SNTG1: variants seen among roughly 807,000 people sequenced by gnomAD.
SNTG1 encodes syntrophin gamma 1, also known as gamma-1-syntrophin.
Under a neutral mutation model 74.7 loss-of-function variants are expected in SNTG1, and 39 were observed. That is an observed-to-expected ratio of 0.52 (90% CI 0.40 to 0.68). The LOEUF (loss-of-function observed/expected upper bound fraction) is 0.68, where lower values mean the gene tolerates loss of function less well. Among genes scored for constraint, SNTG1 ranks in the 30% least tolerant of loss-of-function variants. The probability of loss-of-function intolerance (pLI) is 0.00; values close to 1 mark genes in which losing one functional copy is unlikely to be tolerated. For missense variants in SNTG1, 685 were observed against 609.5 expected (o/e 1.12, Z -1.30); for synonymous variants, 254 against 217.1 (o/e 1.17, Z -1.49).
chr8:50,775,007 C>CAT (rs1236582497), intron 18 of SNTG1, among the ~76,000 whole-genome samples: 1 of 150,246 alleles, frequency 6.7e-6, no homozygotes, highest in Non-Finnish European at 1.5e-5. Context: ...AAAGTGTATA[C>CAT]ATATATATAC....
In SNTG1 at chr8:50,549,970, G is replaced by A. The variant is rs185126055; in HGVS notation, c.681-3080G>A. The stretch of plus-strand genomic sequence containing the variant: ...AACTTCAGCCATATGTGAAAGTACC[G>A]GGATCCACCAATTACTCATCAAATC... On this transcript the variant is annotated intron_variant, in intron 11 of 18. Transcript: ENST00000642720. Among the ~76,000 whole-genome samples the A allele has an allele frequency of 8.5e-5, 13 of 152,168 alleles. No individual in the cohort carries two copies. The East Asian group carries it at 2.3e-3, about 27-fold the overall frequency.
chr8:50,379,219 G>A lies in SNTG1; in HGVS notation c.-27-14993G>A, dbSNP rs536376127. 2.7e-3 allele frequency among the ~76,000 whole-genome samples: 412 copies of A among 152,324 alleles called. 2 individuals carry two copies. The highest frequency in any genetic ancestry group is 9.4e-3 in the African/African-American group (391 of 41,580). On this transcript the variant is annotated intron_variant, in intron 2 of 18. Transcript: ENST00000642720. ...GCATGTGAACAGCTGGGTGGGCTTC[G>A]ACGGCATCTGGGCTTGGCCCCGACT...
chr8:50,380,412 G>T (rs1311966839), intron 2 of SNTG1, among the ~76,000 whole-genome samples: 5 of 152,110 alleles, frequency 3.3e-5, no homozygotes, highest in Admixed American at 6.6e-5. Flanking sequence ...GATAAATTTT[G>T]CATATTTCAT....
intron 1 of SNTG1, among the ~76,000 whole-genome samples, chr8:49,938,644 C>CTTTCTTTCT (rs1585581971): frequency 5.5e-5 from 1 of 18,122 alleles, no homozygotes; most frequent in Non-Finnish European, 1.8e-4. Flanking sequence ...TCTTTCTTTC[C>CTTTCTTTCT]TTCCTCTCTC....
chr8:50,460,648 A>T (rs1344156057), intron 8 of SNTG1, among the ~76,000 whole-genome samples: 1 of 152,092 alleles, frequency 6.6e-6, no homozygotes, highest in Non-Finnish European at 1.5e-5. Context: ...ATACATCTTG[A>T]GTTAATTTTT....
In SNTG1 at chr8:50,427,845, A is replaced by G. The variant is rs140542582; in HGVS notation, c.163-10698A>G. Among the ~76,000 whole-genome samples the G allele has an allele frequency of 3.5e-3, 526 of 152,370 alleles. 3 individuals are homozygous for G. Among genetic ancestry groups the G allele is most frequent in the African/African-American group, 0.012 (506 of 41,596 alleles). On this transcript the variant is annotated intron_variant, in intron 4 of 18. Coordinates refer to ENST00000642720, the MANE Select transcript of SNTG1 (RefSeq NM_018967.5). Reference sequence around the variant, plus strand: ...TATATGTTCAAATACAATTCATTAGATGATTTGAATTAGTGAATCTTTGTC... The same window carrying G: ...TATATGTTCAAATACAATTCATTAGGTGATTTGAATTAGTGAATCTTTGTC...
intron 15 of SNTG1, among the ~76,000 whole-genome samples, chr8:50,673,038 G>GGT (rs1586037284): frequency 2.0e-5 from 3 of 148,800 alleles, no homozygotes; most frequent in Admixed American, 1.3e-4. Flanking sequence ...CTGTTCCATT[G>GGT]CCTGTTTTGA....
chr8:50,140,993 G>T (rs896638175), intron 1 of SNTG1, among the ~76,000 whole-genome samples: 1 of 152,098 alleles, frequency 6.6e-6, no homozygotes, highest in South Asian at 2.1e-4. Flanking sequence ...ACATCCCCTG[G>T]AAACTTGATA....
chr8:50,466,214 T>G (rs900597083), intron 8 of SNTG1, among the ~76,000 whole-genome samples: 35 of 152,230 alleles, frequency 2.3e-4, no homozygotes, highest in Admixed American at 2.3e-3. Flanking sequence ...TTTGAGTTCA[T>G]TTTTGTGAAA....
chr8:49,976,976 T>A (rs1315994488), intron 1 of SNTG1, among the ~76,000 whole-genome samples: 3 of 152,130 alleles, frequency 2.0e-5, no homozygotes, highest in Non-Finnish European at 2.9e-5. Flanking sequence ...AGGCTGACAA[T>A]TTGCAGCAGG....
At chr8:50,217,833 G>A (rs1220085358) in intron 2 of SNTG1, among the ~76,000 whole-genome samples, 2 of 152,212 alleles carry the variant, frequency 1.3e-5, no homozygotes, top group Non-Finnish European at 2.9e-5. Context: ...ACACCACTGA[G>A]CAAAAGCAGA....
chr8:50,575,685 G>A lies in SNTG1; in HGVS notation c.811-15194G>A, dbSNP rs536345639. ...CTCTGTAGGGCTAGTGTGCAGGGTCGGCAGTGGAACAGTGTGAGCCACAAG... is the reference window on the plus strand; with the variant it reads ...CTCTGTAGGGCTAGTGTGCAGGGTCAGCAGTGGAACAGTGTGAGCCACAAG... On this transcript the variant is annotated intron_variant, in intron 12 of 18. Transcript: ENST00000642720. The A allele has an allele frequency of 5.3e-5, 8 of 152,298 alleles. No homozygotes were observed. The East Asian group carries it at 5.8e-4, about 11-fold the overall frequency. The allele number at this position is 152,298 out of a possible 1,614,324, so 9.4% of individuals were successfully genotyped here. A position where few individuals can be genotyped will look rare whatever the true frequency, so the allele number is the denominator to read the frequency against.
At chr8:49,971,364 T>G (rs944925250) in intron 1 of SNTG1, among the ~76,000 whole-genome samples, 1 of 152,066 alleles carries the variant, frequency 6.6e-6, no homozygotes, top group Non-Finnish European at 1.5e-5. Context: ...ACGGGACGTA[T>G]CTCAAAATAA....
chr8:50,650,277 T>C (rs2095136779), intron 13 of SNTG1, among the ~76,000 whole-genome samples: 1 of 152,086 alleles, frequency 6.6e-6, no homozygotes, highest in Admixed American at 6.6e-5. Context: ...TTGGTTCAGA[T>C]TGTGAATTAT....
chr8:49,948,575 T>A (rs1276026462), intron 1 of SNTG1, among the ~76,000 whole-genome samples: 2 of 152,228 alleles, frequency 1.3e-5, no homozygotes, highest in African/African-American at 4.8e-5. Flanking sequence ...ATCTACTGAA[T>A]AGTTTAGTTT....
chr8:50,009,985 G>T (rs867296316), intron 1 of SNTG1, among the ~76,000 whole-genome samples: 7 of 152,142 alleles, frequency 4.6e-5, no homozygotes, highest in African/African-American at 1.7e-4. Flanking sequence ...GACAGAGTGA[G>T]ACTCTGTCTA....
intron 15 of SNTG1, among the ~76,000 whole-genome samples, chr8:50,702,381 T>C (rs2095429210): frequency 6.6e-6 from 1 of 152,172 alleles, no homozygotes; most frequent in Non-Finnish European, 1.5e-5. Context: ...CTTTTAGCTT[T>C]CTGAGCATCT....
chr8:50,728,620 C>T (rs1563786965), intron 17 of SNTG1, among the ~76,000 whole-genome samples: 1 of 152,158 alleles, frequency 6.6e-6, no homozygotes, highest in Non-Finnish European at 1.5e-5. Context: ...GAACATTCAG[C>T]TGTGGTAGAA....
In SNTG1 at chr8:50,087,335, G is replaced by T. The variant is rs112940292; in HGVS notation, c.-102-85226G>T. Among the ~76,000 whole-genome samples the T allele has an allele frequency of 7.9e-5, 12 of 152,198 alleles. 1 individual carries two copies. Among genetic ancestry groups the T allele is most frequent in the African/African-American group, 2.6e-4 (11 of 41,518 alleles). ...CAAGACTAGTGCTCAATTACCCCTC[G>T]GCTTTGGTATCTCAAATAGAGAGCT... On this transcript the variant is annotated intron_variant, in intron 1 of 18. Transcript: ENST00000642720.
Sources: gnomAD v4.1 joint callset for allele counts (sites outside exome capture counted in the v4.1 genomes callset) on GRCh38, gnomAD v4.1.1 for gene constraint, MANE v1.5 for transcripts, NCBI Gene and HGNC (gene_info 2026-07-23, HGNC 2026-07-21) for gene names.